Variants in TP63 observed in about 807,000 individuals in gnomAD.
TP63 encodes the protein tumor protein p63, also known as tumor protein 63.
Under a neutral mutation model 82.8 loss-of-function variants are expected in TP63, and 17 were observed. The ratio of observed to expected loss-of-function variants is 0.21; its 90% CI spans 0.14 to 0.31. The LOEUF is 0.31. TP63 is among the 10% of genes least tolerant of loss of function. TP63 has a pLI of 1.00. For synonymous variants in TP63, 330 were observed against 321.7 expected (o/e 1.03, Z -0.28); for missense variants, 648 against 895.3 (o/e 0.72, Z 3.52).
At chr3:189,843,335 C>A (rs917484676) in intron 4 of TP63, among the ~76,000 whole-genome samples, 1 of 152,224 alleles carries the variant, frequency 6.6e-6, no homozygotes, top group Admixed American at 6.5e-5. Context: ...GACAGCCCAC[C>A]TGCTTGATGT....
At position 189,727,818 on chromosome 3, in the gene TP63, G is replaced by A. The variant is rs918369443; in HGVS notation, c.63-9922G>A. 3.9e-5 allele frequency among the ~76,000 whole-genome samples: 6 copies of A among 152,142 alleles called. No individual in the cohort carries two copies. The South Asian group carries it at 1.2e-3, about 31-fold the overall frequency. On this transcript the variant is annotated intron_variant, in intron 1 of 13. Transcript: ENST00000264731. ...ATGTCTCCTAAATTCTAATTTGGGG[G>A]CAGTTTGTCAAAAAGTACCCTGTTT...
chr3:189,875,611 T>TACATATATAC (rs1553859674), intron 10 of TP63, among the ~76,000 whole-genome samples: 1 of 77,040 alleles, frequency 1.3e-5, no homozygotes, highest in African/African-American at 4.7e-5. Context: ...TATATATATA[T>TACATATATAC]ATATATATAT....
At chr3:189,849,903 T>C (rs574829265) in intron 4 of TP63, among the ~76,000 whole-genome samples, 1 of 152,360 alleles carries the variant, frequency 6.6e-6, no homozygotes, top group African/African-American at 2.4e-5. Context: ...CTGTATTCTC[T>C]GTCTTCTAAA....
At chr3:189,794,647 C>G (rs1725509100) in intron 3 of TP63, among the ~76,000 whole-genome samples, 1 of 151,934 alleles carries the variant, frequency 6.6e-6, no homozygotes, top group Non-Finnish European at 1.5e-5. Flanking sequence ...GATAGAGTGG[C>G]TCAGAGATGA....
At chr3:189,727,964 C>T (rs1223928015) in intron 1 of TP63, among the ~76,000 whole-genome samples, 4 of 152,046 alleles carry the variant, frequency 2.6e-5, no homozygotes, top group Non-Finnish European at 4.4e-5. Context: ...TGAAATGGCT[C>T]GGAATATTAA....
intron 1 of TP63, among the ~76,000 whole-genome samples, chr3:189,636,105 A>G (rs1303589589): frequency 6.6e-6 from 1 of 152,154 alleles, no homozygotes; most frequent in Admixed American, 6.6e-5. Context: ...TAATATATCC[A>G]TCAGTTGTAA....
At chr3:189,690,090 T>A (rs1716795441) in intron 1 of TP63, among the ~76,000 whole-genome samples, 1 of 150,446 alleles carries the variant, frequency 6.6e-6, no homozygotes, top group Admixed American at 6.6e-5. Context: ...TTTAAACTCA[T>A]ACTCAGCTAC....
chr3:189,745,988 A>G (rs1353630142), intron 3 of TP63, among the ~76,000 whole-genome samples: 1 of 152,114 alleles, frequency 6.6e-6, no homozygotes, highest in Non-Finnish European at 1.5e-5. Flanking sequence ...AGGATTAGAA[A>G]ATCTATTTAA....
intron 5 of TP63, 102 bp from the exon 6 acceptor site, chr3:189,866,580 G>T: frequency 9.7e-7 from 1 of 1,027,516 alleles, no homozygotes; most frequent in South Asian, 1.4e-5. Context: ...TTATTATACA[G>T]ACTATTTCTT....
intron 10 of TP63, among the ~76,000 whole-genome samples, chr3:189,878,290 T>C (rs1271345809): frequency 1.3e-5 from 2 of 152,018 alleles, no homozygotes; most frequent in Admixed American, 1.3e-4. Flanking sequence ...TATCTGAAAT[T>C]GCCAGCTTTA....
intron 4 of TP63, among the ~76,000 whole-genome samples, chr3:189,851,517 G>A (rs964578429): frequency 6.6e-6 from 1 of 152,204 alleles, no homozygotes; most frequent in Non-Finnish European, 1.5e-5. Context: ...AGAGGTTGCC[G>A]TGAGACAGGA....
intron 1 of TP63, among the ~76,000 whole-genome samples, chr3:189,659,659 C>G (rs938016241): frequency 3.3e-5 from 5 of 152,078 alleles, no homozygotes; most frequent in African/African-American, 1.2e-4. Flanking sequence ...AGTGGCTGAA[C>G]TAATTTACAT....
chr3:189,665,734 C>A (rs1034144532), intron 1 of TP63, among the ~76,000 whole-genome samples: 6 of 152,022 alleles, frequency 3.9e-5, no homozygotes, highest in Admixed American at 3.9e-4. Context: ...CAGAAAGTAA[C>A]CTAACTAATA....
chr3:189,882,700 G>T (rs962743969), intron 10 of TP63, among the ~76,000 whole-genome samples: 12 of 152,152 alleles, frequency 7.9e-5, no homozygotes, highest in Non-Finnish European at 1.5e-4. Flanking sequence ...TGTAACTTGT[G>T]TCTGCGCAGG....
intron 1 of TP63, among the ~76,000 whole-genome samples, chr3:189,736,613 T>C (rs1338948151): frequency 2.0e-5 from 3 of 152,140 alleles, no homozygotes; most frequent in Non-Finnish European, 2.9e-5. Context: ...GACAGTATTA[T>C]ACACTTTTTA....
At chr3:189,654,664 T>TA (rs1009382261) in intron 1 of TP63, among the ~76,000 whole-genome samples, 6 of 152,160 alleles carry the variant, frequency 3.9e-5, no homozygotes, top group Non-Finnish European at 8.8e-5. Flanking sequence ...TTAAAAACCC[T>TA]AAAAAATGAT....
chr3:189,827,157 C>T (rs1410976383), intron 4 of TP63, among the ~76,000 whole-genome samples: 2 of 152,142 alleles, frequency 1.3e-5, no homozygotes, highest in African/African-American at 4.8e-5. Flanking sequence ...GATAAGTTAG[C>T]CCTTTCTCAA....
chr3:189,876,197 T>C (rs143779033), intron 10 of TP63, among the ~76,000 whole-genome samples: 2 of 152,340 alleles, frequency 1.3e-5, no homozygotes, highest in Non-Finnish European at 2.9e-5. Context: ...CATGTCATTG[T>C]TTTAGAAACT....
intron 9 of TP63, among the ~76,000 whole-genome samples, chr3:189,871,876 C>A (rs913644450): frequency 1.3e-5 from 2 of 152,170 alleles, no homozygotes; most frequent in African/African-American, 4.8e-5. Flanking sequence ...TGTGGGCCAC[C>A]ACGCCCACTA....
Sources: allele counts gnomAD v4.1 joint callset (sites outside exome capture counted in the v4.1 genomes callset), GRCh38; gene constraint gnomAD v4.1.1; transcripts MANE v1.5; gene names NCBI Gene and HGNC (gene_info 2026-07-23, HGNC 2026-07-21).